Variants in LRP1B observed in about 807,000 individuals in gnomAD.
The protein encoded by LRP1B is LDL receptor related protein 1B.
A neutral mutation model predicts 556.6 loss-of-function variants in LRP1B; 217 were observed. The observed-to-expected ratio is 0.39, with a 90% CI of 0.35 to 0.44. The LOEUF is 0.44. Ranked by LOEUF, LRP1B falls within the 20% of genes least tolerant of loss-of-function variation. LRP1B has a pLI of 1.00. For synonymous variants in LRP1B, 2,047 were observed against 1,865.8 expected, an observed-to-expected ratio of 1.10 and a Z score of -2.50; for missense variants, 5,053 against 5,620.8, an observed-to-expected ratio of 0.90 and a Z score of 3.23.
intron 31 of LRP1B, among the ~76,000 whole-genome samples, chr2:140,824,871 C>CT (rs1691450929): frequency 6.6e-6 from 1 of 152,042 alleles, no homozygotes; most frequent in Non-Finnish European, 1.5e-5. Flanking sequence ...CCTGTAGAGA[C>CT]TCTTGCTATA....
At chr2:140,639,671 G>A (rs1190560400) in intron 41 of LRP1B, among the ~76,000 whole-genome samples, 1 of 152,124 alleles carries the variant, frequency 6.6e-6, no homozygotes, top group Non-Finnish European at 1.5e-5. Context: ...CTCCATGCAA[G>A]AAGCAGCATA....
At chr2:140,905,103 C>A (rs1368983353) in intron 22 of LRP1B, among the ~76,000 whole-genome samples, 1 of 152,068 alleles carries the variant, frequency 6.6e-6, no homozygotes, top group Non-Finnish European at 1.5e-5. Context: ...AGACTCTGTC[C>A]TTGACCAAAC....
chr2:140,588,089 G>A (rs887079721), intron 43 of LRP1B, among the ~76,000 whole-genome samples: 8 of 152,234 alleles, frequency 5.3e-5, no homozygotes, highest in African/African-American at 1.4e-4. Flanking sequence ...AGGAATTTTC[G>A]AAAGCAATAG....
intron 1 of LRP1B, among the ~76,000 whole-genome samples, chr2:141,819,248 C>A (rs1277014516): frequency 1.5e-5 from 2 of 131,816 alleles, no homozygotes; most frequent in African/African-American, 2.6e-5. Flanking sequence ...AACAAACAAA[C>A]AAACAAACAA....
chr2:141,868,501 T>A (rs10169107), intron 1 of LRP1B, among the ~76,000 whole-genome samples: 46,174 of 151,996 alleles, frequency 0.3, 8,130 homozygotes, highest in Middle Eastern at 0.45. Flanking sequence ...TTTTTGCCCA[T>A]TGCGGTAACA....
At position 141,584,912 on chromosome 2, in the gene LRP1B, G is replaced by A. The variant is rs140884171; in HGVS notation, c.206-104379C>T. On this transcript the variant is annotated intron_variant, in intron 2 of 90. Coordinates refer to ENST00000389484, the MANE Select transcript of LRP1B (RefSeq NM_018557.3). ...GGATGTGGGGAGGGAGAGATGCGGA[G>A]TTGTTGTTCAATGGGTACAGAGTTT... 3.9e-4 allele frequency among the ~76,000 whole-genome samples: 59 copies of A among 152,256 alleles called. No individual in the cohort carries two copies. The East Asian group carries it at 7.4e-3, about 19-fold the overall frequency.
intron 6 of LRP1B, among the ~76,000 whole-genome samples, chr2:141,197,967 T>C (rs913539457): frequency 1.3e-5 from 2 of 152,100 alleles, no homozygotes; most frequent in African/African-American, 2.4e-5. Context: ...TATTTTAACA[T>C]TTTTATTTCT....
chr2:141,534,340 C>T (rs1271808289), intron 2 of LRP1B, among the ~76,000 whole-genome samples: 1 of 152,100 alleles, frequency 6.6e-6, no homozygotes, highest in African/African-American at 2.4e-5. Flanking sequence ...TTGTAGGTTC[C>T]CATTTCCATT....
intron 1 of LRP1B, among the ~76,000 whole-genome samples, chr2:141,887,454 G>A (rs1699162006): frequency 6.6e-6 from 1 of 152,106 alleles, no homozygotes. Context: ...GTGACACTGT[G>A]TTGTCTTCAC....
Position 140,492,520 on chromosome 2 carries a change from AAACTCT to A in LRP1B, c.9120+82_9120+87del, listed in dbSNP as rs1445961179. The A allele has an allele frequency of 3.7e-6, 3 of 810,530 alleles. No homozygotes were observed. In the Admixed American group the frequency reaches 6.9e-5, roughly 19 times the overall value. 50.2% of individuals were successfully genotyped at this position (810,530 alleles called of 1,614,324 possible). A position where few individuals can be genotyped will look rare whatever the true frequency, so the allele number is the denominator to read the frequency against. ...CCTGACAACTAAAAATATGCTTCAC[AAACTCT>A]AATTGCCAGGTAGTTCTACAGCTCT... On this transcript the variant is annotated intron_variant, in intron 57 of 90. Transcript: ENST00000389484.
At chr2:141,662,842 C>G (rs1459161328) in intron 2 of LRP1B, among the ~76,000 whole-genome samples, 2 of 152,014 alleles carry the variant, frequency 1.3e-5, no homozygotes, top group African/African-American at 4.8e-5. Flanking sequence ...TAGATATATA[C>G]AGAACTCTTC....
At position 141,821,574 on chromosome 2, in the gene LRP1B, G is replaced by T. The variant is rs576568670; in HGVS notation, c.83-11173C>A. ...TAATTTGTAAGTAGCTGGTATCTGAGAAATGTATGAATTGGGAAGTATATA... is the reference window on the plus strand; with the variant it reads ...TAATTTGTAAGTAGCTGGTATCTGATAAATGTATGAATTGGGAAGTATATA... On this transcript the variant is annotated intron_variant, in intron 1 of 90. Coordinates refer to ENST00000389484, the MANE Select transcript of LRP1B (RefSeq NM_018557.3). Among the ~76,000 whole-genome samples the T allele has an allele frequency of 7.2e-5, 11 of 152,302 alleles. No homozygotes were observed. In the South Asian group the frequency reaches 2.3e-3, roughly 32 times the overall value.
chr2:141,198,907 C>T (rs17527317), intron 6 of LRP1B, among the ~76,000 whole-genome samples: 14,143 of 152,188 alleles, frequency 0.093, 711 homozygotes, highest in South Asian at 0.13. Context: ...AAAGCCTCCT[C>T]TTGAAACTAT....
chr2:141,428,444 A>AC (rs1407253915), intron 3 of LRP1B, among the ~76,000 whole-genome samples: 1 of 152,168 alleles, frequency 6.6e-6, no homozygotes, highest in East Asian at 1.9e-4. Flanking sequence ...TAAGCTAAAA[A>AC]CTTATTAATA....
intron 41 of LRP1B, among the ~76,000 whole-genome samples, chr2:140,689,644 G>T (rs538857788): frequency 6.6e-6 from 1 of 152,252 alleles, no homozygotes; most frequent in African/African-American, 2.4e-5. Context: ...ATTCATATAT[G>T]AATCACTATT....
intron 63 of LRP1B, among the ~76,000 whole-genome samples, chr2:140,446,950 T>A (rs1686685085): frequency 6.7e-6 from 1 of 149,988 alleles, no homozygotes; most frequent in Non-Finnish European, 1.5e-5. Flanking sequence ...ATCCAAAATA[T>A]ATAAAGAATA....
chr2:141,023,039 T>C (rs908308619), intron 11 of LRP1B, among the ~76,000 whole-genome samples: 1 of 151,892 alleles, frequency 6.6e-6, no homozygotes, highest in African/African-American at 2.4e-5. Context: ...AATTATTTCT[T>C]GTAAACTTTG....
rs2105463943 is a variant in LRP1B at position 140,716,694 on chromosome 2, C to T, written c.5881G>A (p.Asp1961Asn). Residue 1961 changes from aspartate to asparagine, a missense_variant, in exon 36 of 91, where the codon GAC becomes AAC. By Grantham distance (23) the Asp-to-Asn change is conservative. Coordinates refer to ENST00000389484, the MANE Select transcript of LRP1B (RefSeq NM_018557.3). ...GLGRVEGIAV[D>N]WIAGNIYWTD... ...CCATGGATTATACCAGCAATCCAGT[C>T]AACAGCTATCCCTTCCACTCTTCCC... 6.2e-7 allele frequency: 1 copy of T among 1,609,556 alleles called. No homozygotes were observed. The highest frequency in any genetic ancestry group is 8.5e-7 in the Non-Finnish European group (1 of 1,177,618).
At chr2:140,323,176 G>T (rs984317912) in intron 81 of LRP1B, among the ~76,000 whole-genome samples, 1 of 151,920 alleles carries the variant, frequency 6.6e-6, no homozygotes, top group Non-Finnish European at 1.5e-5. Context: ...CTTGAAGAGC[G>T]AACTGATCAT....
Sources: allele counts gnomAD v4.1 joint callset (sites outside exome capture counted in the v4.1 genomes callset), GRCh38; gene constraint gnomAD v4.1.1; transcripts MANE v1.5; gene names NCBI Gene and HGNC (gene_info 2026-07-23, HGNC 2026-07-21).